WDR1: variants seen among roughly 807,000 people sequenced by gnomAD.
WDR1 encodes WD repeat domain 1.
WDR1 carries 21 observed loss-of-function variants against 71.9 expected under a neutral mutation model. The observed-to-expected ratio is 0.29, with a 90% CI of 0.21 to 0.42. The LOEUF is 0.42. WDR1 is among the 10% of genes least tolerant of loss of function. The probability of loss-of-function intolerance (pLI) is 1.00; values close to 1 mark genes in which losing one functional copy is unlikely to be tolerated. For synonymous variants in WDR1, 424 were observed against 347.4 expected (o/e 1.22, Z -2.45); for missense variants, 696 against 824.5 (o/e 0.84, Z 1.91).
chr4:10,103,281 C>G (rs924912926), intron 3 of WDR1, among the ~76,000 whole-genome samples: 19 of 64,632 alleles, frequency 2.9e-4, no homozygotes, highest in Admixed American at 1.1e-3. Flanking sequence ...CACACACACA[C>G]ACACACAGAC....
chr4:10,102,863 C>T (rs1157184269), intron 3 of WDR1, among the ~76,000 whole-genome samples: 1 of 152,186 alleles, frequency 6.6e-6, no homozygotes, highest in Non-Finnish European at 1.5e-5. Context: ...ATGAGGCCCA[C>T]ATCAGCTTAC....
intron 2 of WDR1, among the ~76,000 whole-genome samples, chr4:10,107,344 C>T (rs1713084362): frequency 6.6e-6 from 1 of 152,236 alleles, no homozygotes; most frequent in Non-Finnish European, 1.5e-5. Context: ...ATTTTCAATG[C>T]AGTCCTCCTG....
intron 5 of WDR1, chr4:10,092,495 G>A: frequency 6.5e-6 from 1 of 153,570 alleles, no homozygotes; most frequent in Admixed American, 6.4e-5. Flanking sequence ...CCTCCCACAG[G>A]CTCTGGCAGG....
chr4:10,075,348 C>G lies in WDR1; in HGVS notation c.*30G>C. The G allele has an allele frequency of 2.5e-6, 4 of 1,595,742 alleles. No homozygotes were observed. In the South Asian group the frequency reaches 4.4e-5, roughly 18 times the overall value. ...TGCAGTTAAACTCTAGTCCCTGATT[C>G]GGTCCATCCAGAGGCGGGGGTGGGG... On this transcript the variant is annotated 3_prime_UTR_variant, in exon 15 of 15. Coordinates refer to ENST00000499869, the MANE Select transcript of WDR1 (RefSeq NM_017491.5).
intron 2 of WDR1, among the ~76,000 whole-genome samples, chr4:10,105,817 G>A (rs943436153): frequency 2.6e-5 from 4 of 152,202 alleles, no homozygotes; most frequent in Non-Finnish European, 5.9e-5. Context: ...AAAAGACACA[G>A]GAGCAATGTT....
At chr4:10,101,765 T>G (rs1712695287) in intron 3 of WDR1, among the ~76,000 whole-genome samples, 1 of 152,262 alleles carries the variant, frequency 6.6e-6, no homozygotes, top group Non-Finnish European at 1.5e-5. Context: ...ACGGACAATG[T>G]GCCAGGCAGG....
At chr4:10,091,321 T>C (rs1711964398) in intron 5 of WDR1, among the ~76,000 whole-genome samples, 1 of 152,238 alleles carries the variant, frequency 6.6e-6, no homozygotes, top group African/African-American at 2.4e-5. Context: ...CTAGCACTTC[T>C]AGGTATGTGA....
chr4:10,084,970 C>T (rs1303232954), intron 8 of WDR1, among the ~76,000 whole-genome samples: 1 of 152,238 alleles, frequency 6.6e-6, no homozygotes, highest in African/African-American at 2.4e-5. Flanking sequence ...GAGGTTTCTT[C>T]TCTCTCCCTG....
chr4:10,100,028 A>G (rs1305304016), intron 3 of WDR1, among the ~76,000 whole-genome samples: 1 of 152,246 alleles, frequency 6.6e-6, no homozygotes, highest in African/African-American at 2.4e-5. Flanking sequence ...TGTTGGCGTG[A>G]AGAAATGGGA....
intron 10 of WDR1, 108 bp from the exon 11 acceptor site, chr4:10,081,552 T>A: frequency 3.3e-6 from 3 of 919,816 alleles, no homozygotes; most frequent in Non-Finnish European, 5.2e-6. Context: ...AAGGCAATTC[T>A]ATTGCCACCT....
At chr4:10,079,970 C>A (rs538852630) in intron 11 of WDR1, among the ~76,000 whole-genome samples, 1 of 149,066 alleles carries the variant, frequency 6.7e-6, no homozygotes, top group East Asian at 2.2e-4. Flanking sequence ...CTCCTAGCAC[C>A]CTCCTAACTC....
chr4:10,098,061 T>A (rs537762593), intron 4 of WDR1, among the ~76,000 whole-genome samples, 170 bp from the exon 5 acceptor site: 11 of 152,154 alleles, frequency 7.2e-5, no homozygotes, highest in African/African-American at 2.4e-4. Flanking sequence ...GGGTTCTGGC[T>A]CCACAAGGCA....
chr4:10,107,305 C>T (rs1459122470), intron 2 of WDR1, among the ~76,000 whole-genome samples: 1 of 152,202 alleles, frequency 6.6e-6, no homozygotes, highest in African/African-American at 2.4e-5. Context: ...CTTGCCAACT[C>T]CCAACCCATC....
In WDR1 at chr4:10,099,347, C is replaced by T. The variant is rs78703898; in HGVS notation, c.230-208G>A. Among the ~76,000 whole-genome samples, 990 of 152,332 alleles carry T rather than the reference C, an allele frequency of 6.5e-3. 3 individuals carry two copies. Among genetic ancestry groups the T allele is most frequent in the Non-Finnish European group, 0.011 (744 of 68,026 alleles). On this transcript the variant is annotated intron_variant, in intron 3 of 14. Coordinates refer to ENST00000499869, the MANE Select transcript of WDR1 (RefSeq NM_017491.5). ...ATTCAGCCACCCTTAAGTCAGAGCC[C>T]GTGGCATCCAGAGGCCTGCCATTTG... is the stretch of plus-strand genomic sequence containing the variant.
intron 5 of WDR1, among the ~76,000 whole-genome samples, chr4:10,089,753 T>TTCCC (rs1711841771): frequency 6.6e-6 from 1 of 152,244 alleles, no homozygotes; most frequent in Non-Finnish European, 1.5e-5. Flanking sequence ...CCAAGGCGGA[T>TTCCC]AAGCTGCCCC....
intron 2 of WDR1, 105 bp downstream of exon 2, chr4:10,116,008 C>G (rs866367941): frequency 4.1e-6 from 6 of 1,471,704 alleles, no homozygotes; most frequent in African/African-American, 1.4e-5. Flanking sequence ...CGCCCTCACC[C>G]TCCCCGGGCC....
intron 2 of WDR1, among the ~76,000 whole-genome samples, chr4:10,106,825 C>T (rs545912867): frequency 1.4e-4 from 21 of 152,170 alleles, no homozygotes; most frequent in Non-Finnish European, 2.9e-4. Context: ...CAGCCTCCTC[C>T]CCAGCTCCTC....
intron 8 of WDR1, among the ~76,000 whole-genome samples, chr4:10,085,460 T>C (rs1560531909): frequency 1.3e-5 from 2 of 152,264 alleles, no homozygotes; most frequent in Middle Eastern, 3.4e-3. Context: ...TAAGAGACAC[T>C]GAGCTGGGCG....
intron 2 of WDR1, among the ~76,000 whole-genome samples, chr4:10,113,527 G>T (rs1251909740): frequency 6.6e-6 from 1 of 152,240 alleles, no homozygotes; most frequent in African/African-American, 2.4e-5. Context: ...TAAGGACTCT[G>T]GCTTTCACCG....
Sources: gnomAD v4.1 joint callset for allele counts (sites outside exome capture counted in the v4.1 genomes callset) on GRCh38, gnomAD v4.1.1 for gene constraint, MANE v1.5 for transcripts, NCBI Gene and HGNC (gene_info 2026-07-23, HGNC 2026-07-21) for gene names.